The following SMYD4 variants were observed in gnomAD, a reference collection of about 807,000 sequenced individuals.
SMYD4 encodes the protein SET and MYND domain containing 4, also known as protein-lysine N-methyltransferase SMYD4.
A neutral mutation model predicts 72.8 loss-of-function variants in SMYD4; 68 were observed. The ratio of observed to expected loss-of-function variants is 0.93; its 90% CI spans 0.77 to 1.14. The LOEUF is 1.14. Ranked by LOEUF, SMYD4 falls within the 50% of genes most tolerant of loss-of-function variation. The pLI is 0.00. For missense variants in SMYD4, 984 were observed against 1,003.7 expected (o/e 0.98, Z 0.27); for synonymous variants, 407 against 388.6 (o/e 1.05, Z -0.56).
At chr17:1,802,140 T>C (rs945476351) in intron 4 of SMYD4, among the ~76,000 whole-genome samples, 1 of 152,170 alleles carries the variant, frequency 6.6e-6, no homozygotes, top group Non-Finnish European at 1.5e-5. Flanking sequence ...ATATCTAACA[T>C]GCCAAAAGGA....
At chr17:1,790,574 T>C (rs1908964949) in intron 5 of SMYD4, among the ~76,000 whole-genome samples, 1 of 152,096 alleles carries the variant, frequency 6.6e-6, no homozygotes, top group Non-Finnish European at 1.5e-5. Flanking sequence ...TGGAATGCAG[T>C]GGCATGATCT....
At chr17:1,795,282 C>T (rs1437985042) in intron 5 of SMYD4, among the ~76,000 whole-genome samples, 1 of 152,050 alleles carries the variant, frequency 6.6e-6, no homozygotes, top group African/African-American at 2.4e-5. Context: ...TCTGTCTGGT[C>T]TGTCTATCTG....
chr17:1,790,810 T>C (rs1479467177), intron 5 of SMYD4, among the ~76,000 whole-genome samples: 1 of 151,332 alleles, frequency 6.6e-6, no homozygotes. Flanking sequence ...CCCTGGTGCA[T>C]TTAAACTGGG....
In SMYD4 at chr17:1,800,091, G is replaced by A; in HGVS notation, c.1303C>T (p.His435Tyr). 1 of 1,611,512 alleles carries A rather than the reference G, an allele frequency of 6.2e-7. No homozygotes were observed. The highest frequency in any genetic ancestry group is 8.5e-7 in the Non-Finnish European group (1 of 1,178,274). ...VFNLLPHTENHSPEHKFLCAL... is the reference protein window; with the variant it reads ...VFNLLPHTENYSPEHKFLCAL... Reference sequence around the variant, plus strand: ...CAGAGGAATTTGTGCTCTGGGCTATGGTTTTCAGTGTGGGGCAAAAGGTTG... The same window carrying A: ...CAGAGGAATTTGTGCTCTGGGCTATAGTTTTCAGTGTGGGGCAAAAGGTTG... Residue 435 changes from histidine (H) to tyrosine (Y), a missense_variant, in exon 5 of 11, where the codon CAT (histidine) becomes TAT (tyrosine). Coordinates refer to ENST00000305513, the MANE Select transcript of SMYD4 (RefSeq NM_052928.3).
At chr17:1,801,147 C>T (rs1230875653) in intron 4 of SMYD4, 123 bp from the exon 5 acceptor site, 1 of 829,864 alleles carries the variant, frequency 1.2e-6, no homozygotes, top group Non-Finnish European at 1.9e-6. Context: ...ATTACAACCA[C>T]ATGCTTATTA....
intron 3 of SMYD4, 127 bp downstream of exon 3, chr17:1,811,844 T>A: frequency 9.9e-7 from 1 of 1,007,362 alleles, no homozygotes; most frequent in Non-Finnish European, 1.4e-6. Flanking sequence ...GGAGGATCGC[T>A]TGAACCCAGG....
chr17:1,782,767 CTTTTTTTTT>C (rs35909616), intron 10 of SMYD4: 1 of 169,770 alleles, frequency 5.9e-6, no homozygotes, highest in Non-Finnish European at 1.2e-5. Context: ...GGAGGAAATT[CTTTTTTTTT>C]TTTTTTTTGA....
chr17:1,790,719 G>A (rs554709698), intron 5 of SMYD4, among the ~76,000 whole-genome samples: 47 of 152,010 alleles, frequency 3.1e-4, no homozygotes, highest in African/African-American at 1.1e-3. Context: ...GTTTCAGCAT[G>A]TTAGTCAGGC....
At chr17:1,824,269 C>T (rs187714948) in intron 2 of SMYD4, among the ~76,000 whole-genome samples, 49 of 152,158 alleles carry the variant, frequency 3.2e-4, no homozygotes, top group Non-Finnish European at 5.3e-4. Flanking sequence ...CTTGAACCCA[C>T]GAGGCACAAG....
chr17:1,787,104 T>C (rs761230946), intron 6 of SMYD4, 131 bp from the exon 7 acceptor site: 4 of 1,183,108 alleles, frequency 3.4e-6, no homozygotes, highest in Admixed American at 2.7e-5. Context: ...CAAATATTTG[T>C]GGAACTGGAT....
intron 5 of SMYD4, among the ~76,000 whole-genome samples, chr17:1,787,943 A>G (rs1301517603): frequency 6.6e-6 from 1 of 152,236 alleles, no homozygotes; most frequent in Non-Finnish European, 1.5e-5. Context: ...ATGTTCTCAC[A>G]TAGAAACCAG....
intron 8 of SMYD4, 44 bp downstream of exon 8, chr17:1,784,281 TA>T: frequency 6.2e-7 from 1 of 1,611,752 alleles, no homozygotes; most frequent in African/African-American, 1.3e-5. Flanking sequence ...TCAGAACAAA[TA>T]AAAGGGAAGG....
chr17:1,823,490 C>T (rs908706432), intron 2 of SMYD4, among the ~76,000 whole-genome samples: 3 of 150,878 alleles, frequency 2.0e-5, no homozygotes, highest in African/African-American at 4.9e-5. Context: ...TTCTGGAATA[C>T]GAACAATGAC....
At chr17:1,791,773 G>A (rs1218331776) in intron 5 of SMYD4, among the ~76,000 whole-genome samples, 1 of 152,086 alleles carries the variant, frequency 6.6e-6, no homozygotes, top group Non-Finnish European at 1.5e-5. Context: ...TGTAATCCCA[G>A]CACTTTGGGA....
In SMYD4 at chr17:1,827,913, A is replaced by G. The variant is rs1463749996; in HGVS notation, c.82T>C (p.Ser28Pro). 3.1e-6 allele frequency: 5 copies of G among 1,613,380 alleles called. No individual in the cohort carries two copies. The highest frequency in any genetic ancestry group is 4.2e-6 in the Non-Finnish European group (5 of 1,179,422). ...ATATCCCTCAAGGTCTCTGCTGTAG[A>G]AATTGTGACCTGAACAGACGTCGGG... is the stretch of plus-strand genomic sequence containing the variant. ...SLPTSVQVTI[S>P]TAETLRDIFL... is the part of the protein sequence containing the mutation. Residue 28 changes from serine (S) to proline (P), a missense_variant, in exon 2 of 11, where the codon TCT becomes CCT. Ser to Pro is a moderately conservative substitution (Grantham distance 74). Transcript: ENST00000305513.
chr17:1,824,137 GT>G (rs1911037571), intron 2 of SMYD4, among the ~76,000 whole-genome samples: 1 of 152,158 alleles, frequency 6.6e-6, no homozygotes, highest in South Asian at 2.1e-4. Flanking sequence ...GAGGTCAGGA[GT>G]TTGAGACCAG....
intron 3 of SMYD4, among the ~76,000 whole-genome samples, chr17:1,809,520 G>A (rs1355245565): frequency 2.6e-4 from 39 of 150,666 alleles, no homozygotes; most frequent in Admixed American, 1.5e-3. Flanking sequence ...GATTACAGGC[G>A]CCCGCCACCA....
At chr17:1,807,419 C>G (rs538375378) in intron 3 of SMYD4, among the ~76,000 whole-genome samples, 1 of 102,866 alleles carries the variant, frequency 9.7e-6, no homozygotes, top group African/African-American at 3.5e-5. Flanking sequence ...CCGCGTACCG[C>G]CCCCCCCGGC....
Position 1,800,058 on chromosome 17 carries a change from A to G in SMYD4, c.1336T>C (p.Cys446Arg), listed in dbSNP as rs1405760119. ...SPEHKFLCAL[C>R]VSALCRQLEA... Reference sequence around the variant, plus strand: ...AGCTGTCTGCACAGTGCAGAAACACAGAGAGCACAGAGGAATTTGTGCTCT... The same window carrying G: ...AGCTGTCTGCACAGTGCAGAAACACGGAGAGCACAGAGGAATTTGTGCTCT... Residue 446 changes from cysteine (C) to arginine (R), a missense_variant, in exon 5 of 11, where the codon TGT becomes CGT. By Grantham distance (180) the Cys-to-Arg change is radical. Coordinates refer to ENST00000305513, the MANE Select transcript of SMYD4 (RefSeq NM_052928.3). 8 of 1,612,854 alleles carry G rather than the reference A, an allele frequency of 5.0e-6. No homozygotes were observed. Among genetic ancestry groups the G allele is most frequent in the Non-Finnish European group, 5.9e-6 (7 of 1,179,200 alleles).
Sources: allele counts gnomAD v4.1 joint callset (sites outside exome capture counted in the v4.1 genomes callset), GRCh38; gene constraint gnomAD v4.1.1; transcripts MANE v1.5; gene names NCBI Gene and HGNC (gene_info 2026-07-23, HGNC 2026-07-21).